Variants in DLGAP2 observed in about 807,000 individuals in gnomAD.
The protein encoded by DLGAP2 is disks large-associated protein 2.
Under a neutral mutation model 100.3 loss-of-function variants are expected in DLGAP2, and 26 were observed. The ratio of observed to expected loss-of-function variants is 0.26; its 90% CI spans 0.19 to 0.36. DLGAP2 has a LOEUF of 0.36. Ranked by LOEUF, DLGAP2 falls within the 10% of genes least tolerant of loss-of-function variation. The pLI is 1.00. For synonymous variants in DLGAP2, 886 were observed against 630.1 expected, an observed-to-expected ratio of 1.41 and a Z score of -6.08; for missense variants, 1,858 against 1,453.2, an observed-to-expected ratio of 1.28 and a Z score of -4.53.
rs557647486 is a variant in DLGAP2, at chr8:1,273,250, G to C, written c.106+14367G>C. On this transcript the variant is annotated intron_variant, in intron 3 of 14. Transcript: ENST00000637795. ...CATGCACCCTAATATCCAGTACTTG[G>C]GTGTGGAAAGAGGTGGGAGCAGTAG... 1.9e-4 allele frequency among the ~76,000 whole-genome samples: 29 copies of C among 152,266 alleles called. No homozygotes were observed. In the South Asian group the frequency reaches 5.8e-3, roughly 31 times the overall value.
chr8:1,011,297 G>A (rs1801276899), intron 2 of DLGAP2, among the ~76,000 whole-genome samples: 1 of 150,068 alleles, frequency 6.7e-6, no homozygotes, highest in African/African-American at 2.5e-5. Context: ...CTGGAATGGG[G>A]GGTCTCAGTC....
In DLGAP2 at chr8:947,480, G is replaced by T. The variant is rs546321509; in HGVS notation, c.73+39514G>T. ...CTGCCCTTACACGAAGCGTAGAGAC[G>T]GTGGCGGCTGTGTTCCAGTAAGATG... On this transcript the variant is annotated intron_variant, in intron 2 of 14. Transcript: ENST00000637795. 2.3e-3 allele frequency among the ~76,000 whole-genome samples: 352 copies of T among 152,306 alleles called. 1 individual carries two copies. The highest frequency in any genetic ancestry group is 7.8e-3 in the African/African-American group (324 of 41,574).
chr8:1,341,981 C>G (rs1801428868), intron 3 of DLGAP2, among the ~76,000 whole-genome samples: 2 of 152,150 alleles, frequency 1.3e-5, no homozygotes, highest in South Asian at 2.1e-4. Context: ...GACGGCATCT[C>G]TCTCTGTCAC....
At chr8:1,252,410 C>CGT (rs1799066471) in intron 2 of DLGAP2, among the ~76,000 whole-genome samples, 1 of 150,890 alleles carries the variant, frequency 6.6e-6, no homozygotes, top group Non-Finnish European at 1.5e-5. Flanking sequence ...TCCTGGGTGA[C>CGT]GGTGTCACAG....
chr8:1,468,878 C>G (rs1798704214), intron 3 of DLGAP2, among the ~76,000 whole-genome samples: 1 of 152,168 alleles, frequency 6.6e-6, no homozygotes, highest in Non-Finnish European at 1.5e-5. Context: ...CCGGCCCAGA[C>G]TCTCTTCCCG....
intron 8 of DLGAP2, among the ~76,000 whole-genome samples, chr8:1,662,720 T>G (rs1378323393): frequency 1.6e-4 from 25 of 152,272 alleles, no homozygotes. Flanking sequence ...TGAAGCTTAA[T>G]GAACTGCAAA....
chr8:1,257,599 G>A (rs146941870), intron 2 of DLGAP2, among the ~76,000 whole-genome samples: 126 of 152,306 alleles, frequency 8.3e-4, no homozygotes, highest in African/African-American at 2.9e-3. Context: ...CGTCTCCTCT[G>A]TGGGCCCCGG....
intron 3 of DLGAP2, among the ~76,000 whole-genome samples, chr8:1,352,684 G>A (rs1053597599): frequency 6.6e-5 from 10 of 152,144 alleles, no homozygotes; most frequent in African/African-American, 2.2e-4. Context: ...CCTTGTCCAC[G>A]TTCCTTCTTT....
rs374944007 is a variant in DLGAP2 at position 919,029 on chromosome 8, T to G, written c.73+11063T>G. 1.4e-3 allele frequency among the ~76,000 whole-genome samples: 215 copies of G among 152,224 alleles called. 3 individuals are homozygous for G. Among genetic ancestry groups the G allele is most frequent in the African/African-American group, 4.9e-3 (204 of 41,540 alleles). On this transcript the variant is annotated intron_variant, in intron 2 of 14. Transcript: ENST00000637795. Reference sequence around the variant, plus strand: ...GATCAGAACTCACTGCAGCCTCAAGTTCCTGGGCTCAAGTGATCCTCCCTT... The same window carrying G: ...GATCAGAACTCACTGCAGCCTCAAGGTCCTGGGCTCAAGTGATCCTCCCTT...
chr8:1,208,239 A>T (rs1398557864), intron 2 of DLGAP2, among the ~76,000 whole-genome samples: 1 of 152,166 alleles, frequency 6.6e-6, no homozygotes, highest in African/African-American at 2.4e-5. Context: ...TGATTCTTGT[A>T]TAAGGTGAGA....
At chr8:1,525,911 C>G (rs762130339) in intron 4 of DLGAP2, among the ~76,000 whole-genome samples, 4 of 152,124 alleles carry the variant, frequency 2.6e-5, no homozygotes, top group African/African-American at 9.7e-5. Flanking sequence ...ATTTATGCTG[C>G]AGGCTAAGTA....
chr8:1,251,006 C>T (rs984671113), intron 2 of DLGAP2, among the ~76,000 whole-genome samples: 1 of 152,180 alleles, frequency 6.6e-6, no homozygotes, highest in South Asian at 2.1e-4. Flanking sequence ...TAGGGGTTGG[C>T]TTTCTGCTAC....
chr8:1,436,861 C>T (rs1797647495), intron 3 of DLGAP2, among the ~76,000 whole-genome samples: 1 of 152,210 alleles, frequency 6.6e-6, no homozygotes, highest in East Asian at 1.9e-4. Flanking sequence ...CATATTTTTA[C>T]TGTAGCTTTT....
chr8:1,441,940 C>G (rs1364494268), intron 3 of DLGAP2, among the ~76,000 whole-genome samples: 1 of 152,098 alleles, frequency 6.6e-6, no homozygotes, highest in African/African-American at 2.4e-5. Flanking sequence ...TGAAAAGGGA[C>G]AAGATCATGT....
chr8:882,017 T>C (rs1797809736), intron 1 of DLGAP2, among the ~76,000 whole-genome samples: 1 of 152,196 alleles, frequency 6.6e-6, no homozygotes, highest in South Asian at 2.1e-4. Flanking sequence ...GCATAAGTGC[T>C]CACCTGTGTC....
intron 3 of DLGAP2, among the ~76,000 whole-genome samples, chr8:1,413,748 G>A (rs1281238761): frequency 6.6e-6 from 1 of 152,230 alleles, no homozygotes; most frequent in Non-Finnish European, 1.5e-5. Context: ...TTCTGCAGGT[G>A]CAATGACAGG....
chr8:1,316,055 G>C (rs1370483059), intron 3 of DLGAP2, among the ~76,000 whole-genome samples: 41 of 138,334 alleles, frequency 3.0e-4, no homozygotes, highest in South Asian at 5.1e-4. Context: ...TTTAAAAATA[G>C]AGCGTGTGTG....
At chr8:1,537,113 G>C (rs556623966) in intron 4 of DLGAP2, among the ~76,000 whole-genome samples, 7 of 152,074 alleles carry the variant, frequency 4.6e-5, no homozygotes, top group Non-Finnish European at 7.4e-5. Flanking sequence ...GTGGTGTGTG[G>C]TATGTGGTAG....
Position 907,016 on chromosome 8 carries a change from A to G in DLGAP2, c.19-896A>G, listed in dbSNP as rs537823018. On this transcript the variant is annotated intron_variant, in intron 1 of 14. Coordinates refer to ENST00000637795, the MANE Select transcript of DLGAP2 (RefSeq NM_001346810.2). ...ATTCCAGATCATCTCTTGTGGTTTC[A>G]TCCATTGCATTTATGAGAGCCTGCT... 4.1e-4 allele frequency among the ~76,000 whole-genome samples: 62 copies of G among 152,280 alleles called. 2 individuals carry two copies. The East Asian group carries it at 0.012, about 29-fold the overall frequency.
Sources: gnomAD v4.1 joint callset for allele counts (sites outside exome capture counted in the v4.1 genomes callset) on GRCh38, gnomAD v4.1.1 for gene constraint, MANE v1.5 for transcripts, NCBI Gene and HGNC (gene_info 2026-07-23, HGNC 2026-07-21) for gene names.